The following SGMS2 variants were observed in gnomAD, a reference collection of about 807,000 sequenced individuals.
SGMS2 encodes the protein phosphatidylcholine:ceramide cholinephosphotransferase 2.
SGMS2 carries 21 observed loss-of-function variants against 43.8 expected under a neutral mutation model. The observed-to-expected ratio is 0.48, with a 90% CI of 0.34 to 0.69. The LOEUF is 0.69. Among genes scored for constraint, SGMS2 ranks in the 30% least tolerant of loss-of-function variants. SGMS2 has a pLI of 0.01. For synonymous variants in SGMS2, 167 were observed against 160.6 expected (o/e 1.04, Z -0.30); for missense variants, 384 against 443.2 (o/e 0.87, Z 1.20).
In SGMS2 at chr4:107,914,054, T is replaced by C. The variant is rs539206240; in HGVS notation, c.*3501T>C. On this transcript the variant is annotated 3_prime_UTR_variant, in exon 7 of 7. Coordinates refer to ENST00000690982, the MANE Select transcript of SGMS2 (RefSeq NM_001375905.1). ...AGCATATTATAAGTTATATGCCATG[T>C]GTTGAAGGCTTTTCTATTTATATAT... is the stretch of plus-strand genomic sequence containing the variant. 1.3e-5 allele frequency: 2 copies of C among 152,210 alleles called. No homozygotes were observed. Among genetic ancestry groups the C allele is most frequent in the African/African-American group, 4.8e-5 (2 of 41,560 alleles). The allele number at this position is 152,210 out of a possible 1,614,324, so 9.4% of individuals were successfully genotyped here. A position where few individuals can be genotyped will look rare whatever the true frequency, so the allele number is the denominator to read the frequency against.
intron 2 of SGMS2, chr4:107,863,545 A>T (rs1343050261): frequency 6.6e-6 from 1 of 152,222 alleles, no homozygotes; most frequent in Non-Finnish European, 1.5e-5. Flanking sequence ...CCATAACATC[A>T]TTTAAGAAAG....
chr4:107,835,603 G>A (rs537789860), intron 1 of SGMS2, among the ~76,000 whole-genome samples: 1 of 152,222 alleles, frequency 6.6e-6, no homozygotes, highest in Admixed American at 6.5e-5. Flanking sequence ...TGACTCATTT[G>A]CTTACATTTT....
intron 1 of SGMS2, among the ~76,000 whole-genome samples, chr4:107,828,844 A>G (rs992698223): frequency 6.6e-6 from 1 of 152,190 alleles, no homozygotes; most frequent in African/African-American, 2.4e-5. Context: ...AACCTTCTCT[A>G]TGGAGTCGCA....
At chr4:107,879,478 T>TTC (rs35727642) in intron 2 of SGMS2, among the ~76,000 whole-genome samples, 74,333 of 149,906 alleles carry the variant, frequency 0.5, 18,589 homozygotes, top group South Asian at 0.55. Flanking sequence ...TTTTTTTTTT[T>TTC]CGAGACCGAG....
chr4:107,871,222 A>G (rs186436637), intron 2 of SGMS2, among the ~76,000 whole-genome samples: 20 of 152,258 alleles, frequency 1.3e-4, no homozygotes, highest in Admixed American at 9.8e-4. Flanking sequence ...GAGAGAGACT[A>G]TTTTACTTAT....
chr4:107,895,594 A>C lies in SGMS2; in HGVS notation c.41A>C (p.Glu14Ala). The C allele has an allele frequency of 1.2e-6, 2 of 1,613,928 alleles. No individual in the cohort carries two copies. The highest frequency in any genetic ancestry group is 1.7e-6 in the Non-Finnish European group (2 of 1,179,892). Reference sequence around the variant, plus strand: ...ACAGCAAAACTTGAAGAACATTTGGAAAATCAACCCAGTGATCCTACGAAC... The same window carrying C: ...ACAGCAAAACTTGAAGAACATTTGGCAAATCAACCCAGTGATCCTACGAAC... ...IETAKLEEHL[E>A]NQPSDPTNTY... Residue 14 changes from glutamate (E) to alanine (A), a missense_variant, in exon 3 of 7, where the codon GAA becomes GCA. Glu to Ala is a moderately radical substitution (Grantham distance 107). Transcript: ENST00000690982.
At chr4:107,839,399 C>T (rs1726380108) in intron 1 of SGMS2, among the ~76,000 whole-genome samples, 1 of 151,972 alleles carries the variant, frequency 6.6e-6, no homozygotes, top group Non-Finnish European at 1.5e-5. Context: ...CCCTTCTCTC[C>T]TACTTCTATC....
chr4:107,832,130 C>A (rs1725926380), intron 1 of SGMS2, among the ~76,000 whole-genome samples: 3 of 152,274 alleles, frequency 2.0e-5, no homozygotes, highest in Middle Eastern at 3.4e-3. Context: ...AGTTGTTGAA[C>A]CACCCAGTTA....
chr4:107,836,548 T>C (rs908614161), intron 1 of SGMS2, among the ~76,000 whole-genome samples: 12 of 152,216 alleles, frequency 7.9e-5, no homozygotes, highest in Admixed American at 5.9e-4. Context: ...AGATGACAAC[T>C]CATACACTTT....
At chr4:107,885,281 A>C (rs965233447) in intron 2 of SGMS2, among the ~76,000 whole-genome samples, 4 of 152,198 alleles carry the variant, frequency 2.6e-5, no homozygotes, top group Admixed American at 1.3e-4. Flanking sequence ...AAGATTTAAA[A>C]TTAGAAAATG....
chr4:107,825,603 G>T (rs1486402334), intron 1 of SGMS2, among the ~76,000 whole-genome samples: 1 of 148,468 alleles, frequency 6.7e-6, no homozygotes, highest in Non-Finnish European at 1.5e-5. Context: ...TGTGTGTGTG[G>T]TTTTTCTTTT....
chr4:107,846,951 G>A (rs1288014266), intron 1 of SGMS2, among the ~76,000 whole-genome samples: 1 of 152,054 alleles, frequency 6.6e-6, no homozygotes, highest in African/African-American at 2.4e-5. Context: ...CCCACTTTTT[G>A]ATGGGCTTGT....
At chr4:107,884,504 G>C (rs564746360) in intron 2 of SGMS2, among the ~76,000 whole-genome samples, 1 of 152,076 alleles carries the variant, frequency 6.6e-6, no homozygotes, top group African/African-American at 2.4e-5. Context: ...AAACAAAGGG[G>C]GGGGAAATGT....
At chr4:107,897,535 G>T (rs1730774372) in intron 3 of SGMS2, among the ~76,000 whole-genome samples, 1 of 152,148 alleles carries the variant, frequency 6.6e-6, no homozygotes, top group African/African-American at 2.4e-5. Flanking sequence ...CCAGAATCTG[G>T]TAAGTATGTG....
chr4:107,851,106 T>C (rs2126014923), intron 1 of SGMS2, among the ~76,000 whole-genome samples: 1 of 152,300 alleles, frequency 6.6e-6, no homozygotes, highest in South Asian at 2.1e-4. Flanking sequence ...AACTTTGCTT[T>C]GTGAAATAGG....
intron 5 of SGMS2, among the ~76,000 whole-genome samples, chr4:107,906,290 C>T (rs762401168): frequency 1.3e-4 from 20 of 152,112 alleles, no homozygotes; most frequent in Non-Finnish European, 2.5e-4. Context: ...TGTGAGAGCA[C>T]ATGAAGATGT....
intron 2 of SGMS2, among the ~76,000 whole-genome samples, chr4:107,871,666 G>A (rs1018621153): frequency 1.3e-5 from 2 of 152,008 alleles, no homozygotes; most frequent in Admixed American, 6.6e-5. Flanking sequence ...ATATTTAACC[G>A]GCAAGTACTG....
rs1025959808 is a variant in SGMS2 at position 107,914,952 on chromosome 4, T to C, written c.*4399T>C. 7 of 152,202 alleles carry C rather than the reference T, an allele frequency of 4.6e-5. No individual in the cohort carries two copies. The highest frequency in any genetic ancestry group is 4.6e-4 in the Admixed American group (7 of 15,264). The allele number at this position is 152,202 out of a possible 1,614,324, so 9.4% of individuals were successfully genotyped here. Reference sequence around the variant, plus strand: ...AAAGAGGATATGTGTACTTGGTTTCTAATCTCTTTGGTTTTGCTTTTTAAA... The same window carrying C: ...AAAGAGGATATGTGTACTTGGTTTCCAATCTCTTTGGTTTTGCTTTTTAAA... On this transcript the variant is annotated 3_prime_UTR_variant, in exon 7 of 7. Transcript: ENST00000690982.
intron 1 of SGMS2, among the ~76,000 whole-genome samples, chr4:107,848,007 A>G (rs544747056): frequency 6.6e-6 from 1 of 152,232 alleles, no homozygotes; most frequent in African/African-American, 2.4e-5. Context: ...AATGACATGT[A>G]GCTCTCATTG....
Sources: gnomAD v4.1 joint callset for allele counts (sites outside exome capture counted in the v4.1 genomes callset) on GRCh38, gnomAD v4.1.1 for gene constraint, MANE v1.5 for transcripts, NCBI Gene and HGNC (gene_info 2026-07-23, HGNC 2026-07-21) for gene names.